The following EGFL7 variants were observed in gnomAD, a reference collection of about 807,000 sequenced individuals.
EGFL7 encodes epidermal growth factor-like protein 7.
A neutral mutation model predicts 37.1 loss-of-function variants in EGFL7; 48 were observed. The observed-to-expected ratio is 1.29, with a 90% CI of 1.03 to 1.65. EGFL7 has a LOEUF of 1.65. Among genes scored for constraint, EGFL7 ranks in the 40% most tolerant of loss-of-function variants. The pLI, the probability that EGFL7 is intolerant of heterozygous loss-of-function variation, is 0.00. For missense variants in EGFL7, 384 were observed against 378.9 expected (o/e 1.01, Z -0.11); for synonymous variants, 180 against 156.8 (o/e 1.15, Z -1.10).
intron 4 of EGFL7, 75 bp downstream of exon 4, chr9:136,668,437 C>T (rs542411831): frequency 4.0e-6 from 6 of 1,516,862 alleles, no homozygotes; most frequent in East Asian, 2.3e-5. Flanking sequence ...AGGCGGCCCT[C>T]AGCACCTGTC....
intron 3 of EGFL7, among the ~76,000 whole-genome samples, chr9:136,667,379 G>A (rs1317997520): frequency 6.6e-6 from 1 of 152,206 alleles, no homozygotes; most frequent in Non-Finnish European, 1.5e-5. Context: ...CATGGCAGGG[G>A]CTCGCCAGGT....
At chr9:136,670,536 G>A (rs1017814710) in intron 8 of EGFL7, 8 of 810,690 alleles carry the variant, frequency 9.9e-6, no homozygotes, top group Middle Eastern at 2.3e-4. Context: ...AGCCAAGAAG[G>A]CAGAAGTGCC....
At chr9:136,669,842 A>G in intron 6 of EGFL7, 72 bp from the exon 7 acceptor site, 2 of 1,458,546 alleles carry the variant, frequency 1.4e-6, no homozygotes, top group South Asian at 2.5e-5. Context: ...CAGAGCACCC[A>G]CTCCCTAGCA....
chr9:136,669,802 T>G, intron 6 of EGFL7, 81 bp downstream of exon 6: 2 of 1,452,098 alleles, frequency 1.4e-6, no homozygotes, highest in Non-Finnish European at 1.9e-6. Context: ...GCTGCTTTTC[T>G]TGAACCCCGA....
chr9:136,665,696 G>GGGGGC (rs1845416668), intron 3 of EGFL7: 1 of 149,512 alleles, frequency 6.7e-6, no homozygotes. Context: ...TCTGCGCAAT[G>GGGGGC]GGGGCGGGGC....
rs555041826 is a variant in EGFL7, at chr9:136,663,080, T to C, written c.-381T>C. The stretch of plus-strand genomic sequence containing the variant: ...TCCCAGGACACAGCAGCGGCCACCA[T>C]GGCCACGCCTGGGCTCCAGCAGCAT... On this transcript the variant is annotated 5_prime_UTR_variant, in exon 1 of 11. An upstream start codon of the reference 5' UTR is lost. Transcript: ENST00000308874. 6.6e-6 allele frequency: 1 copy of C among 152,504 alleles called. No homozygotes were observed. The highest frequency in any genetic ancestry group is 1.5e-5 in the Non-Finnish European group (1 of 68,272). 9.4% of individuals were successfully genotyped at this position (152,504 alleles called of 1,614,324 possible). A position where few individuals can be genotyped will look rare whatever the true frequency, so the allele number is the denominator to read the frequency against.
chr9:136,667,537 G>A lies in EGFL7; in HGVS notation c.-42-704G>A, dbSNP rs968878961. 5.3e-5 allele frequency among the ~76,000 whole-genome samples: 8 copies of A among 152,304 alleles called. No homozygotes were observed. In the East Asian group the frequency reaches 5.8e-4, roughly 11 times the overall value. ...CAGGAGGGGGTTGGATTCCGGTTCC[G>A]GTGACACTGTCGGGGGCTGCTCCTC... is the stretch of plus-strand genomic sequence containing the variant. On this transcript the variant is annotated intron_variant, in intron 3 of 10. Coordinates refer to ENST00000308874, the MANE Select transcript of EGFL7 (RefSeq NM_016215.5).
At chr9:136,670,646 T>C (rs537048954) in intron 8 of EGFL7, 1 of 771,462 alleles carries the variant, frequency 1.3e-6, no homozygotes, top group Non-Finnish European at 2.4e-6. Flanking sequence ...GCTGTGACAC[T>C]TCAAACTCGT....
At chr9:136,667,403 G>A (rs1007912640) in intron 3 of EGFL7, among the ~76,000 whole-genome samples, 4 of 152,318 alleles carry the variant, frequency 2.6e-5, no homozygotes, top group Non-Finnish European at 5.9e-5. Flanking sequence ...CAGACCCCTG[G>A]CTGCGCATAG....
At position 136,669,949 on chromosome 9, in the gene EGFL7, T is replaced by C. The variant is rs1845734798; in HGVS notation, c.349T>C (p.Cys117Arg). Residue 117 changes from cysteine (C) to arginine (R), a missense_variant, in exon 7 of 11, where the codon TGT (cysteine) becomes CGT (arginine). By Grantham distance (180) the Cys-to-Arg change is radical (BLOSUM62 -3). Coordinates refer to ENST00000308874, the MANE Select transcript of EGFL7 (RefSeq NM_016215.5). Reference protein sequence around the residue: ...CQPPCRNGGSCVQPGRCRCPA... With the variant: ...CQPPCRNGGSRVQPGRCRCPA... The stretch of plus-strand genomic sequence containing the variant: ...GCCGCCATGCCGGAACGGAGGGAGC[T>C]GTGTCCAGCCTGGCCGCTGCCGCTG... The C allele has an allele frequency of 6.2e-7, 1 of 1,606,266 alleles. No individual in the cohort carries two copies. Among genetic ancestry groups the C allele is most frequent in the South Asian group, 1.1e-5 (1 of 90,208 alleles).
At chr9:136,668,458 TG>T in intron 4 of EGFL7, 96 bp downstream of exon 4, 1 of 1,519,348 alleles carries the variant, frequency 6.6e-7, no homozygotes. Flanking sequence ...GGGGACTCCC[TG>T]GGGGCTCCTG....
chr9:136,670,236 CT>C lies in EGFL7; in HGVS notation c.478del (p.Trp160GlyfsTer37), dbSNP rs1564281684. On this transcript the variant is annotated frameshift_variant, in exon 8 of 11. Transcript: ENST00000308874. LOFTEE classifies it high-confidence loss of function. ...QRCVNTAGSYWCQCWEGHSLS... is the reference protein window; with the variant it reads ...QRCVNTAGSYXCQCWEGHSLS... ...GCTGCGTCAACACCGCCGGCAGTTA[CT>C]GGTGCCAGTGTTGGGAGGGGCACAG... 1 of 1,612,606 alleles carries C rather than the reference CT, an allele frequency of 6.2e-7. No individual in the cohort carries two copies. The highest frequency in any genetic ancestry group is 8.5e-7 in the Non-Finnish European group (1 of 1,179,824).
At chr9:136,669,449 C>T (rs1018761224) in intron 5 of EGFL7, among the ~76,000 whole-genome samples, 157 bp from the exon 6 acceptor site, 3 of 152,196 alleles carry the variant, frequency 2.0e-5, no homozygotes, top group Non-Finnish European at 4.4e-5. Flanking sequence ...GGCAGGGAAA[C>T]GGCTGTGCAG....
rs759557791 is a variant in EGFL7, at chr9:136,672,265, C to T, written c.801C>T (p.Cys267=). ...GACCTTCGCCTCATCCAACCCTAGG[C>T]TCCTGCAAGAAAGACTCGTGACTGC... is the stretch of plus-strand genomic sequence containing the variant. ...ISFLEEQLGS[C]SCKKDS Residue 267 remains cysteine (C), a splice_region_variant and synonymous_variant, in exon 11 of 11, where the codon TGC becomes TGT. Transcript: ENST00000308874. The T allele has an allele frequency of 4.3e-6, 7 of 1,613,314 alleles. No individual in the cohort carries two copies. Among genetic ancestry groups the T allele is most frequent in the Admixed American group, 1.7e-5 (1 of 59,994 alleles).
intron 8 of EGFL7, 151 bp downstream of exon 8, chr9:136,670,481 G>T: frequency 9.5e-7 from 1 of 1,054,418 alleles, no homozygotes; most frequent in Non-Finnish European, 1.4e-6. Context: ...GGGAGGATAG[G>T]TGGGTTCCCG....
intron 8 of EGFL7, 54 bp downstream of exon 8, chr9:136,670,384 G>C: frequency 6.7e-7 from 1 of 1,496,302 alleles, no homozygotes; most frequent in Non-Finnish European, 9.0e-7. Context: ...AGTGGACATT[G>C]CCGTGTGGCT....
chr9:136,664,073 T>G (rs1215858110), intron 2 of EGFL7, among the ~76,000 whole-genome samples: 1 of 151,904 alleles, frequency 6.6e-6, no homozygotes, highest in African/African-American at 2.4e-5. Flanking sequence ...TAGGCCCCAC[T>G]CTGAACACTT....
chr9:136,661,928 T>C (rs1845170255), upstream of EGFL7, among the ~76,000 whole-genome samples: 1 of 152,024 alleles, frequency 6.6e-6, no homozygotes, highest in South Asian at 2.1e-4. Flanking sequence ...GACAGCGGGG[T>C]TGGGAGAGGC....
chr9:136,672,151 T>C (rs1588256199), intron 10 of EGFL7, 63 bp downstream of exon 10: 1 of 1,580,126 alleles, frequency 6.3e-7, no homozygotes, highest in East Asian at 2.3e-5. Flanking sequence ...CTAGAGGGGC[T>C]ACCCAGGCTT....
Sources: allele counts gnomAD v4.1 joint callset (sites outside exome capture counted in the v4.1 genomes callset), GRCh38; gene constraint gnomAD v4.1.1; transcripts MANE v1.5; gene names NCBI Gene and HGNC (gene_info 2026-07-23, HGNC 2026-07-21).